PPP1R12B: variants seen among roughly 807,000 people sequenced by gnomAD.
The protein encoded by PPP1R12B is myosin phosphatase target subunit 2.
PPP1R12B carries 76 observed loss-of-function variants against 126.1 expected under a neutral mutation model. The observed-to-expected ratio is 0.60, with a 90% CI of 0.50 to 0.73. PPP1R12B has a LOEUF of 0.73. Among genes scored for constraint, PPP1R12B ranks in the 30% least tolerant of loss-of-function variants. The pLI, the probability that PPP1R12B is intolerant of heterozygous loss-of-function variation, is 0.00. For synonymous variants in PPP1R12B, 356 were observed against 434.7 expected (o/e 0.82, Z 2.25); for missense variants, 1,052 against 1,205.1 (o/e 0.87, Z 1.88).
At chr1:202,568,461 A>T (rs1156332230) in intron 22 of PPP1R12B, among the ~76,000 whole-genome samples, 1 of 152,194 alleles carries the variant, frequency 6.6e-6, no homozygotes, top group Non-Finnish European at 1.5e-5. Context: ...CTGGAGATAT[A>T]ATATGTTCCC....
At chr1:202,438,224 T>C (rs371028561) in intron 10 of PPP1R12B, 200 bp downstream of exon 10, 54 of 1,570,106 alleles carry the variant, frequency 3.4e-5, no homozygotes, top group Admixed American at 2.2e-4. Flanking sequence ...AAAAAGAAAA[T>C]AAAAAAGCTT....
At chr1:202,575,757 C>A (rs1689035462) in intron 23 of PPP1R12B, 1 of 152,184 alleles carries the variant, frequency 6.6e-6, no homozygotes, top group Admixed American at 6.5e-5. Flanking sequence ...TGGGTTGAGA[C>A]CCAGGCATCA....
chr1:202,410,795 C>T (rs1196781325), intron 1 of PPP1R12B, among the ~76,000 whole-genome samples: 1 of 152,180 alleles, frequency 6.6e-6, no homozygotes, highest in Non-Finnish European at 1.5e-5. Context: ...TTCCTTCATA[C>T]TAGTAATTAA....
intron 18 of PPP1R12B, among the ~76,000 whole-genome samples, chr1:202,544,987 G>A (rs1426072960): frequency 6.6e-6 from 1 of 152,168 alleles, no homozygotes; most frequent in African/African-American, 2.4e-5. Flanking sequence ...CATGTGCTTT[G>A]TGCCTTCCTC....
At chr1:202,362,822 GTTTA>G (rs200648031) in intron 1 of PPP1R12B, among the ~76,000 whole-genome samples, 8 of 151,920 alleles carry the variant, frequency 5.3e-5, no homozygotes, top group African/African-American at 1.7e-4. Context: ...TAGTTTGAAT[GTTTA>G]TTTATTTATT....
rs566668329 is a variant in PPP1R12B, at chr1:202,592,231, G to C, written c.*11671G>C. ...TACTGGGATGCCAGATACCAGGCTGGACACTGCACCGGGCCCTGAGGTTTG... is the reference window on the plus strand; with the variant it reads ...TACTGGGATGCCAGATACCAGGCTGCACACTGCACCGGGCCCTGAGGTTTG... On this transcript the variant is annotated 3_prime_UTR_variant, in exon 24 of 24. Coordinates refer to ENST00000608999, the MANE Select transcript of PPP1R12B (RefSeq NM_002481.4). 6.5e-6 allele frequency: 1 copy of C among 152,776 alleles called. No homozygotes were observed. Among genetic ancestry groups the C allele is most frequent in the Non-Finnish European group, 1.5e-5 (1 of 68,116 alleles). 9.5% of individuals were successfully genotyped at this position (152,776 alleles called of 1,614,324 possible). A position where few individuals can be genotyped will look rare whatever the true frequency, so the allele number is the denominator to read the frequency against.
intron 18 of PPP1R12B, among the ~76,000 whole-genome samples, chr1:202,511,370 C>T (rs1681487374): frequency 6.6e-6 from 1 of 151,960 alleles, no homozygotes; most frequent in African/African-American, 2.4e-5. Context: ...ATGCCCGCCA[C>T]CATGCCCGGC....
intron 22 of PPP1R12B, 93 bp from the exon 23 acceptor site, chr1:202,569,054 C>T (rs1688334863): frequency 5.8e-6 from 8 of 1,388,936 alleles, no homozygotes; most frequent in Admixed American, 1.7e-5. Flanking sequence ...AACCTTTGAC[C>T]GTGAATCTGC....
intron 13 of PPP1R12B, among the ~76,000 whole-genome samples, chr1:202,472,766 C>T (rs1182196982): frequency 6.6e-6 from 1 of 152,226 alleles, no homozygotes; most frequent in Non-Finnish European, 1.5e-5. Flanking sequence ...GAGCAGGGAT[C>T]AGCAAATGTT....
At position 202,351,663 on chromosome 1, in the gene PPP1R12B, T is replaced by C. The variant is rs375253647; in HGVS notation, c.291+2521T>C. The stretch of plus-strand genomic sequence containing the variant: ...GTGAAATGGAGAGTGAGTGGTACAA[T>C]TATCTGAATTATTTATTTAAAATGT... On this transcript the variant is annotated intron_variant, in intron 1 of 23. Coordinates refer to ENST00000608999, the MANE Select transcript of PPP1R12B (RefSeq NM_002481.4). Among the ~76,000 whole-genome samples the C allele has an allele frequency of 6.0e-4, 92 of 152,382 alleles. No homozygotes were observed. In the South Asian group the frequency reaches 0.011, roughly 18 times the overall value.
At chr1:202,480,893 A>T (rs1210765820) in intron 13 of PPP1R12B, among the ~76,000 whole-genome samples, 1 of 152,216 alleles carries the variant, frequency 6.6e-6, no homozygotes, top group Non-Finnish European at 1.5e-5. Context: ...AAATCTATTA[A>T]TATGTTTTAG....
chr1:202,374,739 A>C (rs1338105751), intron 1 of PPP1R12B, among the ~76,000 whole-genome samples: 1 of 151,376 alleles, frequency 6.6e-6, no homozygotes, highest in Non-Finnish European at 1.5e-5. Context: ...AATCTCAGGC[A>C]GTCTGCCCGC....
chr1:202,571,758 G>T (rs563738781), intron 23 of PPP1R12B, among the ~76,000 whole-genome samples: 1 of 152,000 alleles, frequency 6.6e-6, no homozygotes, highest in African/African-American at 2.4e-5. Flanking sequence ...GTCTGGCCAG[G>T]ACTGATTTTT....
intron 1 of PPP1R12B, among the ~76,000 whole-genome samples, chr1:202,396,489 T>C (rs187478619): frequency 2.0e-5 from 3 of 152,222 alleles, no homozygotes; most frequent in Non-Finnish European, 4.4e-5. Context: ...GTTTCACCCA[T>C]GTATAGTAAG....
chr1:202,431,765 A>C, intron 8 of PPP1R12B, 146 bp downstream of exon 8: 1 of 723,106 alleles, frequency 1.4e-6, no homozygotes, highest in Non-Finnish European at 2.3e-6. Flanking sequence ...ATTGCCAGTG[A>C]CCACCTGATA....
intron 13 of PPP1R12B, among the ~76,000 whole-genome samples, chr1:202,452,331 C>T (rs372304840): frequency 6.6e-5 from 10 of 152,178 alleles, no homozygotes; most frequent in East Asian, 3.9e-4. Flanking sequence ...GCGGATCACT[C>T]GCGGTTAGGA....
At chr1:202,353,040 GA>G (rs1656324193) in intron 1 of PPP1R12B, among the ~76,000 whole-genome samples, 2 of 152,156 alleles carry the variant, frequency 1.3e-5, no homozygotes, top group African/African-American at 2.4e-5. Context: ...TAGACTTAGG[GA>G]GGCTAAAATC....
At chr1:202,373,120 G>A (rs761046915) in intron 1 of PPP1R12B, among the ~76,000 whole-genome samples, 3 of 152,006 alleles carry the variant, frequency 2.0e-5, no homozygotes, top group Admixed American at 6.6e-5. Flanking sequence ...ATTTTTGGTA[G>A]AGATGGGGTT....
Position 202,427,032 on chromosome 1 carries a change from C to G in PPP1R12B, c.702-8C>G. The G allele has an allele frequency of 6.2e-7, 1 of 1,606,756 alleles. No homozygotes were observed. Among genetic ancestry groups the G allele is most frequent in the Non-Finnish European group, 8.5e-7 (1 of 1,178,082 alleles). On this transcript the variant is annotated splice_polypyrimidine_tract_variant and splice_region_variant and intron_variant, in intron 4 of 23. Coordinates refer to ENST00000608999, the MANE Select transcript of PPP1R12B (RefSeq NM_002481.4). ...AGATATATGTCTTGTTTTGGGTTTT[C>G]TTTTTAGACTTTTAATTCAGGCTGG...
Sources: allele counts gnomAD v4.1 joint callset (sites outside exome capture counted in the v4.1 genomes callset), GRCh38; gene constraint gnomAD v4.1.1; transcripts MANE v1.5; gene names NCBI Gene and HGNC (gene_info 2026-07-23, HGNC 2026-07-21).